ANGPTL2: variants seen among roughly 807,000 people sequenced by gnomAD.
The protein encoded by ANGPTL2 is angiopoietin-related protein 2.
A neutral mutation model predicts 52.8 loss-of-function variants in ANGPTL2; 25 were observed. The observed-to-expected ratio is 0.47, with a 90% confidence interval of 0.35 to 0.66. The LOEUF (loss-of-function observed/expected upper bound fraction) is 0.66. Among genes scored for constraint, ANGPTL2 ranks in the 30% least tolerant of loss-of-function variants. ANGPTL2 has a pLI of 0.01. For missense variants in ANGPTL2, 546 were observed against 656.9 expected (o/e 0.83, Z 1.84); for synonymous variants, 276 against 277.4 (o/e 1.00, Z 0.05).
At chr9:127,089,548 C>T (rs1234256453) in intron 4 of ANGPTL2, among the ~76,000 whole-genome samples, 2 of 151,984 alleles carry the variant, frequency 1.3e-5, no homozygotes, top group East Asian at 1.9e-4. Flanking sequence ...CTGAGGTGGG[C>T]GGGGAGGGAG....
At chr9:127,099,736 C>T (rs2053533086) in intron 2 of ANGPTL2, among the ~76,000 whole-genome samples, 1 of 152,218 alleles carries the variant, frequency 6.6e-6, no homozygotes, top group Non-Finnish European at 1.5e-5. Flanking sequence ...GAGTACAAAA[C>T]AATAACCTAA....
rs2052480977 is a variant in ANGPTL2 at position 127,091,584 on chromosome 9, G to A, written c.1282+86C>T. The A allele has an allele frequency of 9.2e-6, 14 of 1,523,790 alleles. No homozygotes were observed. Among genetic ancestry groups the A allele is most frequent in the African/African-American group, 2.8e-5 (2 of 72,562 alleles). 94.4% of individuals were successfully genotyped at this position (1,523,790 alleles called of 1,614,324 possible). On this transcript the variant is annotated intron_variant, in intron 4 of 4. Coordinates refer to ENST00000373425, the MANE Select transcript of ANGPTL2 (RefSeq NM_012098.3). The surrounding 1 kb of genome is among the most constrained non-coding windows in gnomAD (Gnocchi z 4.3). Reference sequence around the variant, plus strand: ...CTGCTTCTCACCCTGGGATCTTCCCGTTTCCAAGCCCTGGAGTCAGGGGCT... The same window carrying A: ...CTGCTTCTCACCCTGGGATCTTCCCATTTCCAAGCCCTGGAGTCAGGGGCT...
Position 127,091,611 on chromosome 9 carries a change from T to C in ANGPTL2, c.1282+59A>G. ...TTCCAAGCCCTGGAGTCAGGGGCTC[T>C]GGCTCTGGTTGACCTCTTTTCCCTA... On this transcript the variant is annotated intron_variant, in intron 4 of 4. Transcript: ENST00000373425. The surrounding 1 kb of genome is among the most constrained non-coding windows in gnomAD (Gnocchi z 4.3). The C allele has an allele frequency of 6.4e-7, 1 of 1,570,054 alleles. No homozygotes were observed. Among genetic ancestry groups the C allele is most frequent in the Non-Finnish European group, 8.6e-7 (1 of 1,157,368 alleles).
chr9:127,098,715 TG>T (rs1249697275), intron 2 of ANGPTL2, among the ~76,000 whole-genome samples: 2 of 152,156 alleles, frequency 1.3e-5, no homozygotes, highest in Non-Finnish European at 1.5e-5. Context: ...ACAAGGACCA[TG>T]GCCTCCCAGG....
chr9:127,121,477 C>G (rs562202969), intron 1 of ANGPTL2, among the ~76,000 whole-genome samples: 24 of 152,354 alleles, frequency 1.6e-4, no homozygotes, highest in African/African-American at 5.5e-4. Context: ...AGTAACTGAA[C>G]TGGCCTCTGG....
At chr9:127,097,388 C>T (rs768570684) in intron 2 of ANGPTL2, among the ~76,000 whole-genome samples, 1 of 152,208 alleles carries the variant, frequency 6.6e-6, no homozygotes, top group Non-Finnish European at 1.5e-5. Flanking sequence ...GCATATGTGT[C>T]TGTACACGGA....
Position 127,110,534 on chromosome 9 carries a change from G to A in ANGPTL2, c.-49-1754C>T, listed in dbSNP as rs570674088. On this transcript the variant is annotated intron_variant, in intron 1 of 4. Transcript: ENST00000373425. The stretch of plus-strand genomic sequence containing the variant: ...ACTGATTACATCCGCATTTATTTCT[G>A]GAACTCTCCCCAGGACTCTAGACTC... Among the ~76,000 whole-genome samples the A allele has an allele frequency of 2.6e-5, 4 of 152,260 alleles. No individual in the cohort carries two copies. In the East Asian group the frequency reaches 7.7e-4, roughly 29 times the overall value.
At chr9:127,089,707 GA>G (rs1462378617) in intron 4 of ANGPTL2, among the ~76,000 whole-genome samples, 4 of 152,190 alleles carry the variant, frequency 2.6e-5, no homozygotes, top group Admixed American at 1.3e-4. Context: ...CTTCACAAAG[GA>G]AAGATATTTC....
intron 2 of ANGPTL2, among the ~76,000 whole-genome samples, chr9:127,104,914 G>A (rs930005142): frequency 4.6e-5 from 7 of 152,228 alleles, no homozygotes; most frequent in Non-Finnish European, 1.5e-5. Context: ...TGTCTTCCAG[G>A]ATAAGAACCT....
rs1000606885 is a variant in ANGPTL2, at chr9:127,122,153, C to T, written c.-50+162G>A. On this transcript the variant is annotated intron_variant, in intron 1 of 4. Transcript: ENST00000373425. The surrounding 1 kb of genome is among the most constrained non-coding windows in gnomAD (Gnocchi z 6.4). ...CACCAAATGTCCACAGGTTCTGCCC[C>T]GGACATGCCTCGTTTGGCTCCAAGC... 1.3e-5 allele frequency among the ~76,000 whole-genome samples: 2 copies of T among 152,186 alleles called. No individual in the cohort carries two copies. The highest frequency in any genetic ancestry group is 4.1e-4 in the South Asian group (2 of 4,830).
At position 127,091,742 on chromosome 9, in the gene ANGPTL2, C is replaced by T; in HGVS notation, c.1210G>A (p.Ala404Thr). The T allele has an allele frequency of 6.2e-7, 1 of 1,614,032 alleles. No individual in the cohort carries two copies. The highest frequency in any genetic ancestry group is 8.5e-7 in the Non-Finnish European group (1 of 1,180,042). Residue 404 changes from alanine (A) to threonine (T), a missense_variant, in exon 4 of 5, where the codon GCG becomes ACG. Ala to Thr is a moderately conservative substitution (Grantham distance 58). This residue lies in a region of ANGPTL2 where 261 missense variants were observed against 361.0 expected (regional missense o/e 0.72). Coordinates refer to ENST00000373425, the MANE Select transcript of ANGPTL2 (RefSeq NM_012098.3). This position sits in a 1 kb window ranked among gnomAD's most constrained non-coding sequence, Gnocchi z 4.3. ...TTGTGCCATGTAAAGGAGTCACCCG[C>T]ATTGCCATGGTAGCGCCCCAGCCGC... The part of the protein sequence containing the change: ...KLRLGRYHGN[A>T]GDSFTWHNGK...
intron 1 of ANGPTL2, among the ~76,000 whole-genome samples, chr9:127,109,062 G>T (rs770825972): frequency 6.6e-6 from 1 of 152,170 alleles, no homozygotes; most frequent in South Asian, 2.1e-4. Flanking sequence ...TCCAATGCCC[G>T]CAGCCCCCTT....
intron 4 of ANGPTL2, among the ~76,000 whole-genome samples, chr9:127,090,834 A>G (rs551724545): frequency 6.6e-6 from 1 of 152,308 alleles, no homozygotes; most frequent in Admixed American, 6.5e-5. Flanking sequence ...ATCTCAAGAA[A>G]CTGGGTGTTG....
chr9:127,088,791 G>A lies in ANGPTL2; in HGVS notation c.*148C>T, dbSNP rs549546469. 6.1e-5 allele frequency: 53 copies of A among 867,756 alleles called. 1 individual carries two copies. The Admixed American group carries it at 1.0e-3, about 17-fold the overall frequency. The allele number at this position is 867,756 out of a possible 1,614,324, so 53.8% of individuals were successfully genotyped here. ...CCGTATCGATTCAGTTCCATCATCC[G>A]CTGCAGTGACTTCGGAAAACAGAAT... On this transcript the variant is annotated 3_prime_UTR_variant, in exon 5 of 5. Transcript: ENST00000373425.
intron 1 of ANGPTL2, among the ~76,000 whole-genome samples, chr9:127,116,651 G>A (rs1033889809): frequency 6.6e-6 from 1 of 152,196 alleles, no homozygotes; most frequent in Admixed American, 6.5e-5. Flanking sequence ...GACTTTCTTG[G>A]GAAGTCCAGG....
intron 1 of ANGPTL2, among the ~76,000 whole-genome samples, chr9:127,120,481 G>A (rs907361787): frequency 2.0e-5 from 3 of 152,188 alleles, no homozygotes; most frequent in Admixed American, 1.3e-4. Context: ...TCTCTGTCTC[G>A]TGGGATTTTC....
At position 127,087,441 on chromosome 9, in the gene ANGPTL2, C is replaced by T. The variant is rs1047434141; in HGVS notation, c.*1498G>A. 1 of 152,576 alleles carries T rather than the reference C, an allele frequency of 6.6e-6. No individual in the cohort carries two copies. The highest frequency in any genetic ancestry group is 2.1e-4 in the South Asian group (1 of 4,822). The allele number at this position is 152,576 out of a possible 1,614,324, so 9.5% of individuals were successfully genotyped here. A position where few individuals can be genotyped will look rare whatever the true frequency, so the allele number is the denominator to read the frequency against. Reference sequence around the variant, plus strand: ...AACCCTCCCTTTTATATACACAAAACATGCTACATGGTACACTTTGTGAGA... The same window carrying T: ...AACCCTCCCTTTTATATACACAAAATATGCTACATGGTACACTTTGTGAGA... On this transcript the variant is annotated 3_prime_UTR_variant, in exon 5 of 5. Coordinates refer to ENST00000373425, the MANE Select transcript of ANGPTL2 (RefSeq NM_012098.3).
chr9:127,091,556 C>T lies in ANGPTL2; in HGVS notation c.1282+114G>A. ...GGTAACAGGGTCAGGCAGCTTGGCC[C>T]AGCTGCTTCTCACCCTGGGATCTTC... On this transcript the variant is annotated intron_variant, in intron 4 of 4. Coordinates refer to ENST00000373425, the MANE Select transcript of ANGPTL2 (RefSeq NM_012098.3). This position sits in a 1 kb window ranked among gnomAD's most constrained non-coding sequence, Gnocchi z 4.3. 7 of 1,429,234 alleles carry T rather than the reference C, an allele frequency of 4.9e-6. No individual in the cohort carries two copies. The highest frequency in any genetic ancestry group is 1.4e-5 in the South Asian group (1 of 73,668). 88.5% of individuals were successfully genotyped at this position (1,429,234 alleles called of 1,614,324 possible). A position where few individuals can be genotyped will look rare whatever the true frequency, so the allele number is the denominator to read the frequency against.
At chr9:127,103,390 C>T (rs1032761147) in intron 2 of ANGPTL2, among the ~76,000 whole-genome samples, 2 of 152,138 alleles carry the variant, frequency 1.3e-5, no homozygotes, top group African/African-American at 4.8e-5. Flanking sequence ...CTCATGTGGT[C>T]CCAAGGGAAG....
Sources: allele counts gnomAD v4.1 joint callset (sites outside exome capture counted in the v4.1 genomes callset), GRCh38; gene constraint gnomAD v4.1.1; regional missense constraint gnomAD v4.1.1; non-coding constraint Gnocchi (gnomAD v3.1); transcripts MANE v1.5; gene names NCBI Gene and HGNC (gene_info 2026-07-23, HGNC 2026-07-21).